Variants in CSMD1 observed in about 807,000 individuals in gnomAD.
CSMD1 encodes CUB and sushi domain-containing protein 1.
CSMD1 carries 213 observed loss-of-function variants against 417.5 expected under a neutral mutation model. That is an observed-to-expected ratio of 0.51 (90% CI 0.46 to 0.57). The LOEUF is 0.57. Among genes scored for constraint, CSMD1 ranks in the 20% least tolerant of loss-of-function variants. The pLI, the probability that CSMD1 is intolerant of heterozygous loss-of-function variation, is 0.00. For missense variants in CSMD1, 6,923 were observed against 4,529.7 expected (o/e 1.53, Z -15.17); for synonymous variants, 2,862 against 1,736.8 (o/e 1.65, Z -16.11).
intron 34 of CSMD1, 115 bp from the exon 35 acceptor site, chr8:3,189,126 G>C: frequency 1.1e-6 from 1 of 951,750 alleles, no homozygotes; most frequent in Non-Finnish European, 1.5e-6. Flanking sequence ...CATGAACAAT[G>C]ATACGTTAAA....
chr8:3,787,573 G>T (rs1459196978), intron 5 of CSMD1, among the ~76,000 whole-genome samples: 4 of 152,052 alleles, frequency 2.6e-5, no homozygotes, highest in Non-Finnish European at 5.9e-5. Context: ...GATTTTCCAG[G>T]TACCTTAATT....
chr8:3,705,926 T>C (rs13268152), intron 7 of CSMD1, among the ~76,000 whole-genome samples: 148,114 of 152,352 alleles, frequency 0.97, 72,115 homozygotes, highest in East Asian at 1. Flanking sequence ...ATGTCAGCAA[T>C]AGGCATGTGG....
intron 3 of CSMD1, among the ~76,000 whole-genome samples, chr8:4,037,615 G>GTCTCT (rs34336686): frequency 0.76 from 115,324 of 151,666 alleles, 44,201 homozygotes; most frequent in African/African-American, 0.86. Flanking sequence ...TGGACTTTAG[G>GTCTCT]TCTCTTATAT....
At chr8:3,796,400 G>T (rs111216027) in intron 5 of CSMD1, among the ~76,000 whole-genome samples, 5 of 72,204 alleles carry the variant, frequency 6.9e-5, no homozygotes, top group African/African-American at 1.4e-4. Context: ...ATCATGTATA[G>T]ATATAGATAT....
rs201114987 is a variant in CSMD1 at position 3,944,764 on chromosome 8, CTT to C, written c.818+53137_818+53138del. Among the ~76,000 whole-genome samples the C allele has an allele frequency of 9.1e-3, 1,382 of 152,220 alleles. 19 individuals carry two copies. Among genetic ancestry groups the C allele is most frequent in the African/African-American group, 0.031 (1,288 of 41,550 alleles). ...ACTTTTCAAAACTATACTCTCAACT[CTT>C]TTCTTACAAATACCCAAATGATCTA... On this transcript the variant is annotated intron_variant, in intron 5 of 69. Coordinates refer to ENST00000635120, the MANE Select transcript of CSMD1 (RefSeq NM_033225.6).
chr8:3,873,862 A>T (rs1805642909), intron 5 of CSMD1, among the ~76,000 whole-genome samples: 1 of 152,134 alleles, frequency 6.6e-6, no homozygotes, highest in Non-Finnish European at 1.5e-5. Context: ...CACAGAGGAG[A>T]TATTCATTTA....
At position 4,035,291 on chromosome 8, in the gene CSMD1, T is replaced by C. The variant is rs1030426012; in HGVS notation, c.416-3192A>G. Among the ~76,000 whole-genome samples, 3 of 152,150 alleles carry C rather than the reference T, an allele frequency of 2.0e-5. No individual in the cohort carries two copies. In the South Asian group the frequency reaches 6.2e-4, roughly 32 times the overall value. ...CAAATCTTCAGCACATACAATTAGG[T>C]TCACTGCATATGCTTGATGATAATA... On this transcript the variant is annotated intron_variant, in intron 3 of 69. Transcript: ENST00000635120.
chr8:3,949,828 T>C (rs1811487759), intron 5 of CSMD1: 1 of 443,396 alleles, frequency 2.3e-6, no homozygotes. Flanking sequence ...CCTGCTTCCA[T>C]CTTTCATTGA....
At chr8:4,240,866 T>C (rs770561516) in intron 3 of CSMD1, among the ~76,000 whole-genome samples, 30 of 152,234 alleles carry the variant, frequency 2.0e-4, no homozygotes, top group Non-Finnish European at 4.0e-4. Flanking sequence ...TTTTAAAATA[T>C]TGAGTTATGT....
chr8:4,036,389 C>T (rs982154953), intron 3 of CSMD1, among the ~76,000 whole-genome samples: 6 of 152,142 alleles, frequency 3.9e-5, no homozygotes, highest in Non-Finnish European at 5.9e-5. Context: ...TATTTTCCAG[C>T]AGTGTAGAAA....
intron 1 of CSMD1, among the ~76,000 whole-genome samples, chr8:4,862,534 G>C (rs573935901): frequency 6.6e-6 from 1 of 152,074 alleles, no homozygotes; most frequent in Middle Eastern, 3.2e-3. Context: ...AAGAAGAGTA[G>C]TGGAGGTGGT....
intron 6 of CSMD1, among the ~76,000 whole-genome samples, chr8:3,745,512 T>C (rs1336855642): frequency 6.6e-6 from 1 of 152,210 alleles, no homozygotes; most frequent in Non-Finnish European, 1.5e-5. Flanking sequence ...AACAGGAAAC[T>C]CGCCCAGGAT....
chr8:4,010,510 C>T (rs771206779), intron 4 of CSMD1, among the ~76,000 whole-genome samples: 1 of 152,152 alleles, frequency 6.6e-6, no homozygotes, highest in African/African-American at 2.4e-5. Context: ...TCTACCTCAG[C>T]CATGCCATCA....
intron 8 of CSMD1, among the ~76,000 whole-genome samples, chr8:3,606,730 G>C (rs929003826): frequency 1.0e-5 from 1 of 97,902 alleles, no homozygotes; most frequent in Non-Finnish European, 2.1e-5. Flanking sequence ...TTTTTTTTTT[G>C]AGACAGAGTC....
chr8:4,039,681 G>A lies in CSMD1; in HGVS notation c.416-7582C>T, dbSNP rs530852229. ...AACTGGCTGAGAATAACTCAATGAG[G>A]AAGTGAGCTGTAAATATACTTGAAG... On this transcript the variant is annotated intron_variant, in intron 3 of 69. Coordinates refer to ENST00000635120, the MANE Select transcript of CSMD1 (RefSeq NM_033225.6). Among the ~76,000 whole-genome samples, 8 of 152,262 alleles carry A rather than the reference G, an allele frequency of 5.3e-5. No individual in the cohort carries two copies. In the East Asian group the frequency reaches 1.2e-3, roughly 22 times the overall value.
chr8:4,247,785 A>G (rs1284857914), intron 3 of CSMD1, among the ~76,000 whole-genome samples: 1 of 152,162 alleles, frequency 6.6e-6, no homozygotes, highest in Non-Finnish European at 1.5e-5. Flanking sequence ...AGAATCTGAA[A>G]AAAGTACTGT....
At chr8:4,857,661 T>G (rs1482416690) in intron 1 of CSMD1, among the ~76,000 whole-genome samples, 1 of 152,032 alleles carries the variant, frequency 6.6e-6, no homozygotes, top group African/African-American at 2.4e-5. Context: ...CTAGAAAATC[T>G]AGAAGAAATG....
intron 6 of CSMD1, among the ~76,000 whole-genome samples, chr8:3,725,049 C>G (rs192920802): frequency 6.6e-6 from 1 of 152,130 alleles, no homozygotes; most frequent in Admixed American, 6.5e-5. Context: ...CCTCTCCAGA[C>G]GACTAGAGGA....
At chr8:3,225,244 G>C (rs1010040708) in intron 27 of CSMD1, among the ~76,000 whole-genome samples, 1 of 152,074 alleles carries the variant, frequency 6.6e-6, no homozygotes, top group Non-Finnish European at 1.5e-5. Context: ...AGTAGTTCTT[G>C]TTATACTCTC....
Sources: allele counts gnomAD v4.1 joint callset (sites outside exome capture counted in the v4.1 genomes callset), GRCh38; gene constraint gnomAD v4.1.1; transcripts MANE v1.5; gene names NCBI Gene and HGNC (gene_info 2026-07-23, HGNC 2026-07-21).